SCYL2: variants seen among roughly 807,000 people sequenced by gnomAD.
SCYL2 encodes the protein SCY1-like protein 2.
SCYL2 carries 36 observed loss-of-function variants against 100.4 expected under a neutral mutation model. The ratio of observed to expected loss-of-function variants is 0.36; its 90% CI spans 0.27 to 0.47. SCYL2 has a LOEUF of 0.47. Among genes scored for constraint, SCYL2 ranks in the 20% least tolerant of loss-of-function variants. The pLI is 1.00. For synonymous variants in SCYL2, 330 were observed against 359.2 expected, an observed-to-expected ratio of 0.92 and a Z score of 0.92; for missense variants, 902 against 1,083.9, an observed-to-expected ratio of 0.83 and a Z score of 2.36.
intron 9 of SCYL2, among the ~76,000 whole-genome samples, chr12:100,316,286 A>G (rs566236584): frequency 1.2e-4 from 18 of 152,314 alleles, no homozygotes; most frequent in Admixed American, 9.8e-4. Context: ...TATTTGCTAG[A>G]TTGAAGGTAA....
At chr12:100,269,152 G>A (rs1261932922) in intron 1 of SCYL2, among the ~76,000 whole-genome samples, 1 of 152,004 alleles carries the variant, frequency 6.6e-6, no homozygotes, top group South Asian at 2.1e-4. Context: ...TAAGTAAATC[G>A]AACACATTAA....
Position 100,325,993 on chromosome 12 carries a change from G to A in SCYL2, c.1510-629G>A, listed in dbSNP as rs1004261780. 2.6e-5 allele frequency among the ~76,000 whole-genome samples: 4 copies of A among 151,882 alleles called. No individual in the cohort carries two copies. In the South Asian group the frequency reaches 6.2e-4, roughly 24 times the overall value. On this transcript the variant is annotated intron_variant, in intron 11 of 17. Transcript: ENST00000360820. The stretch of plus-strand genomic sequence containing the variant: ...TTGGTTTACTGTTTTTTGAAAACTG[G>A]AGTTTTATTAATACTATAGTCCTGA...
Position 100,267,200 on chromosome 12 carries a change from C to G in SCYL2, c.-621C>G, listed in dbSNP as rs1345001141. The G allele has an allele frequency of 9.4e-7, 1 of 1,066,880 alleles. No individual in the cohort carries two copies. The highest frequency in any genetic ancestry group is 1.3e-6 in the Non-Finnish European group (1 of 751,372). The allele number at this position is 1,066,880 out of a possible 1,614,324, so 66.1% of individuals were successfully genotyped here. ...TTAGTCTTTTTCCCCCTCCCTTACT[C>G]TTCGTCCCCGGTCCCTCCCCTCCCC... On this transcript the variant is annotated 5_prime_UTR_variant, in exon 1 of 18. Coordinates refer to ENST00000360820, the MANE Select transcript of SCYL2 (RefSeq NM_017988.6).
chr12:100,313,379 TA>T (rs1477146421), intron 6 of SCYL2, 42 bp from the exon 7 acceptor site: 7 of 905,646 alleles, frequency 7.7e-6, no homozygotes, highest in Non-Finnish European at 1.2e-5. Flanking sequence ...TATGTCTTTT[TA>T]AATATTTTAT....
chr12:100,286,429 T>C (rs559108180), intron 2 of SCYL2, among the ~76,000 whole-genome samples: 72 of 152,320 alleles, frequency 4.7e-4, no homozygotes, highest in African/African-American at 1.6e-3. Flanking sequence ...ACATTTATTA[T>C]GACTTTTTAT....
chr12:100,334,067 A>C, intron 13 of SCYL2, 99 bp from the exon 14 acceptor site: 1 of 709,500 alleles, frequency 1.4e-6, no homozygotes, highest in Admixed American at 2.4e-5. Context: ...TACTGGTAAA[A>C]ATGGAGAATA....
At chr12:100,336,290 C>T (rs1748448865) in intron 16 of SCYL2, among the ~76,000 whole-genome samples, 1 of 152,066 alleles carries the variant, frequency 6.6e-6, no homozygotes, top group Non-Finnish European at 1.5e-5. Context: ...GATTGTTGCT[C>T]TTCAGTATTT....
chr12:100,278,718 C>T (rs1435292114), intron 1 of SCYL2, among the ~76,000 whole-genome samples: 1 of 151,302 alleles, frequency 6.6e-6, no homozygotes, highest in African/African-American at 2.4e-5. Flanking sequence ...CAACCTTCAC[C>T]TCCCGGGTTC....
In SCYL2 at chr12:100,279,139, G is replaced by T. The variant is rs116150211; in HGVS notation, c.-28-3804G>T. 2.5e-3 allele frequency among the ~76,000 whole-genome samples: 378 copies of T among 152,304 alleles called. 1 individual carries two copies. Among genetic ancestry groups the T allele is most frequent in the African/African-American group, 8.7e-3 (361 of 41,578 alleles). On this transcript the variant is annotated intron_variant, in intron 1 of 17. Transcript: ENST00000360820. ...CTTTTTGGCACCAGGGACCGGATTCGTGGAAGACAGTTTTTCCACAGATGG... is the reference window on the plus strand; with the variant it reads ...CTTTTTGGCACCAGGGACCGGATTCTTGGAAGACAGTTTTTCCACAGATGG...
In SCYL2 at chr12:100,338,428, A is replaced by AC. The variant is rs1952308097; in HGVS notation, c.2146-100_2146-99insC. The AC allele has an allele frequency of 1.1e-5, 12 of 1,080,480 alleles. No homozygotes were observed. The South Asian group carries it at 2.1e-4, about 19-fold the overall frequency. 66.9% of individuals were successfully genotyped at this position (1,080,480 alleles called of 1,614,324 possible). On this transcript the variant is annotated intron_variant, in intron 17 of 17. Coordinates refer to ENST00000360820, the MANE Select transcript of SCYL2 (RefSeq NM_017988.6). ...TAATTTGGTGTAGACCATTGAGCTT[A>AC]ATTCTAACTTGTCCTTTATAATTTA...
chr12:100,317,985 G>A (rs575177506), intron 10 of SCYL2, 60 bp downstream of exon 10: 10 of 1,451,810 alleles, frequency 6.9e-6, no homozygotes, highest in South Asian at 1.5e-5. Flanking sequence ...CAGAAGAAGA[G>A]GTATAAAGTA....
Position 100,288,730 on chromosome 12 carries a change from G to A in SCYL2, c.178-2773G>A, listed in dbSNP as rs530886231. 2.5e-4 allele frequency among the ~76,000 whole-genome samples: 38 copies of A among 151,820 alleles called. No homozygotes were observed. In the East Asian group the frequency reaches 6.2e-3, roughly 25 times the overall value. On this transcript the variant is annotated intron_variant, in intron 2 of 17. Transcript: ENST00000360820. ...TGTGTGGCTGTGGTCCCAGCTACTC[G>A]GGAGACTGAGGTGAGAGGATCACTT...
intron 3 of SCYL2, among the ~76,000 whole-genome samples, chr12:100,294,347 T>C (rs2096314763): frequency 2.7e-5 from 2 of 72,862 alleles, no homozygotes; most frequent in Admixed American, 1.3e-4. Context: ...GAGGCGCCCC[T>C]CACCTCCCAG....
chr12:100,290,479 G>T (rs1405318150), intron 2 of SCYL2, among the ~76,000 whole-genome samples: 2 of 152,112 alleles, frequency 1.3e-5, no homozygotes, highest in Non-Finnish European at 2.9e-5. Flanking sequence ...TGGACTTTTT[G>T]CAGTGAATCT....
Position 100,317,855 on chromosome 12 carries a change from C to G in SCYL2, c.1325C>G (p.Pro442Arg). ...KMDLLLTKTP[P>R]DEIKNSVLPM... ...GATTTGCTACTAACCAAAACCCCTC[C>G]TGATGAGATAAAGAACAGTGTTCTA... Residue 442 changes from proline (P) to arginine (R), a missense_variant, in exon 10 of 18, where the codon CCT (proline) becomes CGT (arginine). Transcript: ENST00000360820. 9 of 1,609,092 alleles carry G rather than the reference C, an allele frequency of 5.6e-6. No homozygotes were observed. The highest frequency in any genetic ancestry group is 2.2e-5 in the East Asian group (1 of 44,756).
At chr12:100,294,246 A>G (rs553992456) in intron 3 of SCYL2, among the ~76,000 whole-genome samples, 4,823 of 124,484 alleles carry the variant, frequency 0.039, 376 homozygotes, top group African/African-American at 0.14. Flanking sequence ...GTGGCTGGCC[A>G]GGTGGGGGGC....
At chr12:100,328,647 T>C (rs1952168827) in intron 12 of SCYL2, among the ~76,000 whole-genome samples, 1 of 152,214 alleles carries the variant, frequency 6.6e-6, no homozygotes, top group South Asian at 2.1e-4. Context: ...AAATGAAGGC[T>C]TTGTGGATAG....
chr12:100,329,172 A>G (rs1952176047), intron 12 of SCYL2, 29 bp from the exon 13 acceptor site: 2 of 1,035,212 alleles, frequency 1.9e-6, no homozygotes, highest in African/African-American at 1.6e-5. Context: ...GTGTTAACTT[A>G]TAAAATTTGT....
rs1373112054 is a variant in SCYL2, at chr12:100,334,176, T to G, written c.1772T>G (p.Phe591Cys). The G allele has an allele frequency of 3.1e-6, 5 of 1,589,432 alleles. No homozygotes were observed. Among genetic ancestry groups the G allele is most frequent in the Non-Finnish European group, 4.3e-6 (5 of 1,161,300 alleles). Residue 591 changes from phenylalanine to cysteine, a missense_variant, in exon 14 of 18, where the codon TTC becomes TGC. Coordinates refer to ENST00000360820, the MANE Select transcript of SCYL2 (RefSeq NM_017988.6). ...NNLNLNQFNS[F>C]ISVIKEMLNR... is the part of the protein sequence containing the mutation. ...TTCTCATTATACCAGTTCAATTCTT[T>G]CATTTCCGTCATAAAAGAAATGCTT...
Sources: gnomAD v4.1 joint callset for allele counts (sites outside exome capture counted in the v4.1 genomes callset) on GRCh38, gnomAD v4.1.1 for gene constraint, MANE v1.5 for transcripts, NCBI Gene and HGNC (gene_info 2026-07-23, HGNC 2026-07-21) for gene names.